Variants in SLBP observed in about 807,000 individuals in gnomAD.
The protein encoded by SLBP is stem-loop histone mRNA binding protein.
A neutral mutation model predicts 39.2 loss-of-function variants in SLBP; 29 were observed. The observed-to-expected ratio is 0.74, with a 90% CI of 0.55 to 1.01. The LOEUF (loss-of-function observed/expected upper bound fraction) is 1.01. SLBP is among the 50% of genes least tolerant of loss of function. The pLI is 0.00. For synonymous variants in SLBP, 129 were observed against 118.7 expected, an observed-to-expected ratio of 1.09 and a Z score of -0.57; for missense variants, 390 against 350.2, an observed-to-expected ratio of 1.11 and a Z score of -0.91.
intron 3 of SLBP, 42 bp from the exon 4 acceptor site, chr4:1,700,112 A>C: frequency 7.0e-7 from 1 of 1,436,854 alleles, no homozygotes; most frequent in South Asian, 1.2e-5. Flanking sequence ...AAAAGATATA[A>C]AAATAAAGCA....
At chr4:1,705,484 G>T (rs754597238) in intron 2 of SLBP, among the ~76,000 whole-genome samples, 1 of 152,188 alleles carries the variant, frequency 6.6e-6, no homozygotes, top group African/African-American at 2.4e-5. Flanking sequence ...TAAGACTTTA[G>T]ACTACTTGTT....
At chr4:1,694,986 T>A in intron 6 of SLBP, 146 bp from the exon 7 acceptor site, 1 of 645,460 alleles carries the variant, frequency 1.5e-6, no homozygotes, top group South Asian at 1.7e-5. Flanking sequence ...TTTCAGTGAC[T>A]ATTTGACAGA....
At chr4:1,709,802 G>A (rs1299047980) in intron 2 of SLBP, among the ~76,000 whole-genome samples, 3 of 152,084 alleles carry the variant, frequency 2.0e-5, no homozygotes, top group East Asian at 1.9e-4. Flanking sequence ...TAGTAGAGAC[G>A]GGTTTTCACC....
At position 1,694,777 on chromosome 4, in the gene SLBP, G is replaced by C; in HGVS notation, c.693C>G (p.Asp231Glu). The change falls in exon 7 of 8, where the codon GAC becomes GAG. Residue 231 changes from aspartate to glutamate, a missense_variant. By Grantham distance (45) the Asp-to-Glu change is conservative. Coordinates refer to ENST00000489418, the MANE Select transcript of SLBP (RefSeq NM_006527.4). ...SSEPQTSSQD[D>E]FDVYSGTPTK... ...AAGACTTATCCAAAGTACTTACAAA[G>C]TCATCCTGAGAGCTGGTCTGGGGCT... 1 of 1,610,554 alleles carries C rather than the reference G, an allele frequency of 6.2e-7. No individual in the cohort carries two copies. Among genetic ancestry groups the C allele is most frequent in the Non-Finnish European group, 8.5e-7 (1 of 1,176,732 alleles).
chr4:1,703,657 C>CA lies in SLBP; in HGVS notation c.219dup (p.Asp74Ter). 1 of 1,614,074 alleles carries CA rather than the reference C, an allele frequency of 6.2e-7. No homozygotes were observed. The highest frequency in any genetic ancestry group is 8.5e-7 in the Non-Finnish European group (1 of 1,179,938). ...TCTTCTTCAACTGCACTTGCCCAGT[C>CA]AGAGCATCTGGAACGGGGTTTAGGG... On this transcript the variant is annotated frameshift_variant, in exon 3 of 8. Transcript: ENST00000489418. LOFTEE classifies it high-confidence loss of function.
Position 1,693,529 on chromosome 4 carries a change from T to C in SLBP, c.*68A>G, listed in dbSNP as rs896017532. The C allele has an allele frequency of 9.0e-6, 8 of 887,760 alleles. No individual in the cohort carries two copies. The highest frequency in any genetic ancestry group is 2.7e-5 in the South Asian group (2 of 74,308). The allele number at this position is 887,760 out of a possible 1,614,324, so 55.0% of individuals were successfully genotyped here. ...ACCAGGTACAAGTGCACACACATGC[T>C]TGGTGCCTGGCCAGCCTTCCACCTA... On this transcript the variant is annotated 3_prime_UTR_variant, in exon 8 of 8. Transcript: ENST00000489418.
chr4:1,708,582 T>G (rs915555907), intron 2 of SLBP, among the ~76,000 whole-genome samples: 3 of 152,220 alleles, frequency 2.0e-5, no homozygotes, highest in Admixed American at 6.5e-5. Flanking sequence ...TCTGCCAACA[T>G]AACAAATTCC....
At chr4:1,711,127 C>T (rs1250611478) in intron 2 of SLBP, among the ~76,000 whole-genome samples, 2 of 149,148 alleles carry the variant, frequency 1.3e-5, no homozygotes, top group African/African-American at 4.9e-5. Flanking sequence ...TAATTTTTTC[C>T]TTTTGGCACA....
chr4:1,711,680 G>A (rs1406538371), intron 2 of SLBP, among the ~76,000 whole-genome samples, 194 bp downstream of exon 2: 1 of 152,210 alleles, frequency 6.6e-6, no homozygotes, highest in Non-Finnish European at 1.5e-5. Context: ...CTGGCAAGAG[G>A]CTTCCGGAGT....
At chr4:1,705,565 T>A (rs1357256598) in intron 2 of SLBP, among the ~76,000 whole-genome samples, 1 of 152,206 alleles carries the variant, frequency 6.6e-6, no homozygotes, top group Non-Finnish European at 1.5e-5. Flanking sequence ...CTTCATAGAA[T>A]TATAAAGCAG....
chr4:1,702,978 G>A (rs1437430849), intron 3 of SLBP, among the ~76,000 whole-genome samples: 1 of 152,170 alleles, frequency 6.6e-6, no homozygotes, highest in Non-Finnish European at 1.5e-5. Context: ...CGGGCACAGT[G>A]ACTCATGCCT....
intron 2 of SLBP, among the ~76,000 whole-genome samples, chr4:1,704,034 C>T (rs879365324): frequency 3.9e-5 from 6 of 152,130 alleles, no homozygotes; most frequent in African/African-American, 1.4e-4. Flanking sequence ...CTATCCAGGG[C>T]TGTCTTACTA....
intron 2 of SLBP, among the ~76,000 whole-genome samples, chr4:1,707,701 C>T (rs1375639106): frequency 1.3e-5 from 2 of 151,946 alleles, no homozygotes; most frequent in Non-Finnish European, 2.9e-5. Context: ...GACCCCAGCA[C>T]TTTAGAAGGC....
In SLBP at chr4:1,695,999, A is replaced by C. The variant is rs565208166; in HGVS notation, c.629+203T>G. 2.0e-5 allele frequency among the ~76,000 whole-genome samples: 3 copies of C among 152,310 alleles called. No individual in the cohort carries two copies. In the South Asian group the frequency reaches 6.2e-4, roughly 32 times the overall value. The stretch of plus-strand genomic sequence containing the variant: ...CAGATTGACTTTGCTTGAAAAAATA[A>C]ATTCAATCCAGGAAGCAAACTCTTC... On this transcript the variant is annotated intron_variant, in intron 6 of 7. Transcript: ENST00000489418.
At position 1,705,616 on chromosome 4, in the gene SLBP, G is replaced by A. The variant is rs561716419; in HGVS notation, c.177-1916C>T. Among the ~76,000 whole-genome samples the A allele has an allele frequency of 6.6e-5, 10 of 152,298 alleles. No homozygotes were observed. The South Asian group carries it at 2.1e-3, about 32-fold the overall frequency. On this transcript the variant is annotated intron_variant, in intron 2 of 7. Transcript: ENST00000489418. ...TCTCACCATGTTGTAAATATTTACTGAGACTGGGTACAGTACTGAGGGATG... is the reference window on the plus strand; with the variant it reads ...TCTCACCATGTTGTAAATATTTACTAAGACTGGGTACAGTACTGAGGGATG...
chr4:1,710,493 T>C (rs1312221376), intron 2 of SLBP, among the ~76,000 whole-genome samples: 1 of 152,230 alleles, frequency 6.6e-6, no homozygotes, highest in Non-Finnish European at 1.5e-5. Flanking sequence ...GTTAAGGACA[T>C]ACCTAGAAGA....
intron 2 of SLBP, among the ~76,000 whole-genome samples, chr4:1,711,530 T>C (rs1716769563): frequency 6.6e-6 from 1 of 152,078 alleles, no homozygotes; most frequent in Admixed American, 6.5e-5. Context: ...CCCTGTCAAC[T>C]CACTTCTCCT....
intron 2 of SLBP, among the ~76,000 whole-genome samples, chr4:1,707,288 A>ATG (rs1716558401): frequency 8.5e-6 from 1 of 118,154 alleles, no homozygotes; most frequent in Non-Finnish European, 1.8e-5. Context: ...AAAAAAAAAA[A>ATG]AAAAAAAAAG....
intron 5 of SLBP, 46 bp downstream of exon 5, chr4:1,699,518 C>G (rs759469333): frequency 6.2e-7 from 1 of 1,606,128 alleles, no homozygotes. Context: ...TTTAGAAACG[C>G]AATGCCACAC....
Sources: gnomAD v4.1 joint callset for allele counts (sites outside exome capture counted in the v4.1 genomes callset) on GRCh38, gnomAD v4.1.1 for gene constraint, MANE v1.5 for transcripts, NCBI Gene and HGNC (gene_info 2026-07-23, HGNC 2026-07-21) for gene names.